AFG1L: variants seen among roughly 807,000 people sequenced by gnomAD.
The protein encoded by AFG1L is AFG1-like ATPase.
AFG1L carries 53 observed loss-of-function variants against 62.2 expected under a neutral mutation model. The observed-to-expected ratio is 0.85, with a 90% CI of 0.68 to 1.07. The LOEUF (loss-of-function observed/expected upper bound fraction) is 1.07. Ranked by LOEUF, AFG1L falls within the 50% of genes least tolerant of loss-of-function variation. AFG1L has a pLI of 0.00. For synonymous variants in AFG1L, 228 were observed against 210.3 expected (o/e 1.08, Z -0.73); for missense variants, 555 against 590.5 (o/e 0.94, Z 0.62).
intron 8 of AFG1L, among the ~76,000 whole-genome samples, chr6:108,471,708 C>T (rs1443775617): frequency 6.6e-6 from 1 of 152,046 alleles, no homozygotes; most frequent in Admixed American, 6.6e-5. Flanking sequence ...ATCCGCCCGC[C>T]TCGGCCTCCC....
At chr6:108,396,792 A>G (rs558524257) in intron 6 of AFG1L, among the ~76,000 whole-genome samples, 1 of 152,180 alleles carries the variant, frequency 6.6e-6, no homozygotes, top group South Asian at 2.1e-4. Flanking sequence ...CACCCAGGCC[A>G]TAGTAGGTGT....
rs116230365 is a variant in AFG1L at position 108,436,828 on chromosome 6, G to A, written c.808-10386G>A. Among the ~76,000 whole-genome samples, 572 of 152,284 alleles carry A rather than the reference G, an allele frequency of 3.8e-3. 7 individuals carry two copies. Among genetic ancestry groups the A allele is most frequent in the African/African-American group, 0.013 (550 of 41,556 alleles). On this transcript the variant is annotated intron_variant, in intron 7 of 12. Coordinates refer to ENST00000368977, the MANE Select transcript of AFG1L (RefSeq NM_145315.5). ...GAATAATAATAATTTCTACCTCATA[G>A]AGTGGTTGAAAGAATTAAATGAATA...
intron 7 of AFG1L, among the ~76,000 whole-genome samples, chr6:108,413,293 C>T (rs1464432638): frequency 6.6e-6 from 1 of 152,148 alleles, no homozygotes; most frequent in African/African-American, 2.4e-5. Context: ...TACAAAGAGA[C>T]TTAGACTCCC....
chr6:108,442,289 C>T (rs1040972617), intron 7 of AFG1L, among the ~76,000 whole-genome samples: 5 of 151,942 alleles, frequency 3.3e-5, no homozygotes, highest in African/African-American at 9.7e-5. Context: ...AAACACAGAA[C>T]ATCTTGAGGC....
intron 6 of AFG1L, among the ~76,000 whole-genome samples, chr6:108,391,300 T>C (rs1781048112): frequency 6.6e-6 from 1 of 152,210 alleles, no homozygotes; most frequent in African/African-American, 2.4e-5. Context: ...CTATTATTTT[T>C]TGATTTTTTG....
At chr6:108,311,702 G>A (rs777617575) in intron 1 of AFG1L, among the ~76,000 whole-genome samples, 6 of 151,836 alleles carry the variant, frequency 4.0e-5, no homozygotes, top group South Asian at 2.1e-4. Context: ...CATCCAGCTC[G>A]CCACTGATTG....
In AFG1L at chr6:108,522,336, GA is replaced by G; in HGVS notation, c.1360del (p.Ile454SerfsTer72). On this transcript the variant is annotated frameshift_variant, in exon 13 of 13. Coordinates refer to ENST00000368977, the MANE Select transcript of AFG1L (RefSeq NM_145315.5). LOFTEE classifies it high-confidence loss of function. The stretch of plus-strand genomic sequence containing the variant: ...ACTCTCCATGTTTACCGGAGAAGAG[GA>G]AATCTTTGCATTTCAGCGCACAATT... ...EGLSMFTGEE[E>X]IFAFQRTISR... The G allele has an allele frequency of 6.2e-7, 1 of 1,613,894 alleles. No homozygotes were observed. The highest frequency in any genetic ancestry group is 8.5e-7 in the Non-Finnish European group (1 of 1,179,904).
intron 1 of AFG1L, among the ~76,000 whole-genome samples, chr6:108,321,226 T>A (rs958857528): frequency 6.6e-6 from 1 of 152,240 alleles, no homozygotes; most frequent in Non-Finnish European, 1.5e-5. Flanking sequence ...TTAGATTTGA[T>A]AATTTGCTAG....
At chr6:108,368,698 C>G (rs1385711148) in intron 6 of AFG1L, among the ~76,000 whole-genome samples, 1 of 152,110 alleles carries the variant, frequency 6.6e-6, no homozygotes, top group African/African-American at 2.4e-5. Flanking sequence ...ACAAGCTATG[C>G]TCGTAAATAG....
chr6:108,486,238 A>G (rs1258580432), intron 10 of AFG1L, among the ~76,000 whole-genome samples: 1 of 152,124 alleles, frequency 6.6e-6, no homozygotes, highest in Non-Finnish European at 1.5e-5. Flanking sequence ...TTACCTGTCA[A>G]CTGGCCTGGT....
At chr6:108,299,715 A>T (rs1210398257) in intron 1 of AFG1L, among the ~76,000 whole-genome samples, 1 of 152,180 alleles carries the variant, frequency 6.6e-6, no homozygotes, top group African/African-American at 2.4e-5. Context: ...AAGCAGGAGG[A>T]TTGCTTGCGG....
At chr6:108,474,105 C>T (rs534120594) in intron 8 of AFG1L, among the ~76,000 whole-genome samples, 2 of 152,276 alleles carry the variant, frequency 1.3e-5, no homozygotes, top group Non-Finnish European at 2.9e-5. Flanking sequence ...CATTGTTCAG[C>T]TTCCACTTTA....
chr6:108,297,372 G>T (rs1467997331), intron 1 of AFG1L, among the ~76,000 whole-genome samples: 1 of 152,048 alleles, frequency 6.6e-6, no homozygotes, highest in Non-Finnish European at 1.5e-5. Flanking sequence ...CCCCCAAAAT[G>T]CTGGGATTAC....
At chr6:108,364,475 T>C (rs1268317025) in intron 5 of AFG1L, among the ~76,000 whole-genome samples, 2 of 152,228 alleles carry the variant, frequency 1.3e-5, no homozygotes, top group Non-Finnish European at 2.9e-5. Flanking sequence ...TTCTAAACCT[T>C]AGGGCACAAA....
At chr6:108,403,923 T>C (rs1042791868) in intron 7 of AFG1L, among the ~76,000 whole-genome samples, 20 of 151,984 alleles carry the variant, frequency 1.3e-4, no homozygotes, top group Non-Finnish European at 2.8e-4. Context: ...CTGAGAGATA[T>C]AATATACAAT....
intron 8 of AFG1L, among the ~76,000 whole-genome samples, chr6:108,453,698 T>A (rs1487438844): frequency 6.6e-6 from 1 of 152,236 alleles, no homozygotes; most frequent in East Asian, 1.9e-4. Flanking sequence ...AGAGTGATCA[T>A]CACATCTTCC....
intron 7 of AFG1L, among the ~76,000 whole-genome samples, chr6:108,437,112 A>G (rs945742258): frequency 4.6e-5 from 7 of 152,192 alleles, no homozygotes; most frequent in African/African-American, 1.7e-4. Context: ...ATCTGCCCTC[A>G]GGACTTAATC....
At chr6:108,502,674 C>T (rs1774255207) in intron 10 of AFG1L, among the ~76,000 whole-genome samples, 1 of 152,130 alleles carries the variant, frequency 6.6e-6, no homozygotes, top group Non-Finnish European at 1.5e-5. Flanking sequence ...TGACTGATCA[C>T]GGTGGTGATT....
chr6:108,362,024 T>C (rs1244394309), intron 5 of AFG1L, among the ~76,000 whole-genome samples: 2 of 152,152 alleles, frequency 1.3e-5, no homozygotes, highest in Admixed American at 6.5e-5. Context: ...AGTGAATAAA[T>C]AAATGAATGA....
Sources: allele counts gnomAD v4.1 joint callset (sites outside exome capture counted in the v4.1 genomes callset), GRCh38; gene constraint gnomAD v4.1.1; transcripts MANE v1.5; gene names NCBI Gene and HGNC (gene_info 2026-07-23, HGNC 2026-07-21).